Variants in PIK3CD observed in about 807,000 individuals in gnomAD.
PIK3CD encodes phosphatidylinositol-4,5-bisphosphate 3-kinase catalytic subunit delta.
PIK3CD carries 20 observed loss-of-function variants against 122.9 expected under a neutral mutation model. The ratio of observed to expected loss-of-function variants is 0.16; its 90% CI spans 0.11 to 0.24. The LOEUF (loss-of-function observed/expected upper bound fraction) is 0.24. Ranked by LOEUF, PIK3CD falls within the 10% of genes least tolerant of loss-of-function variation. The pLI, the probability that PIK3CD is intolerant of heterozygous loss-of-function variation, is 1.00. For missense variants in PIK3CD, 787 were observed against 1,406.3 expected, an observed-to-expected ratio of 0.56 and a Z score of 7.04; for synonymous variants, 596 against 593.4, an observed-to-expected ratio of 1.00 and a Z score of -0.06.
intron 23 of PIK3CD, among the ~76,000 whole-genome samples, chr1:9,726,417 A>G (rs1050103431): frequency 3.9e-5 from 6 of 152,122 alleles, no homozygotes; most frequent in Non-Finnish European, 8.8e-5. Flanking sequence ...GCTGAGGCAG[A>G]AGAATCACTT....
intron 1 of PIK3CD, chr1:9,654,697 G>A (rs777068161): frequency 4.6e-5 from 16 of 347,750 alleles, no homozygotes; most frequent in South Asian, 6.6e-5. Context: ...CCTGAGGCCA[G>A]CTGCCGGTGT....
At chr1:9,658,293 G>A (rs1039480082) in intron 1 of PIK3CD, among the ~76,000 whole-genome samples, 5 of 151,474 alleles carry the variant, frequency 3.3e-5, no homozygotes, top group African/African-American at 1.2e-4. Flanking sequence ...GACTGAGGTG[G>A]GAGGATTACT....
At position 9,724,278 on chromosome 1, in the gene PIK3CD, G is replaced by A. The variant is rs998257480; in HGVS notation, c.2721G>A (p.Leu907=). 13 of 1,613,850 alleles carry A rather than the reference G, an allele frequency of 8.1e-6. No homozygotes were observed. In the East Asian group the frequency reaches 2.9e-4, roughly 36 times the overall value. The change falls in exon 22 of 24, where the codon CTG becomes CTA. Residue 907 remains leucine (L), a splice_region_variant and synonymous_variant. Coordinates refer to ENST00000377346, the MANE Select transcript of PIK3CD (RefSeq NM_005026.5). The surrounding 1 kb of genome is among the most constrained non-coding windows in gnomAD (Gnocchi z 7.3). ...DNIMIRESGQ[L]FHIDFGHFLG... ...CCCCTCCTCTCCCCTCCCCTCAGCT[G>A]TTCCACATTGATTTTGGCCACTTTC...
At chr1:9,654,860 G>A (rs1389896298) in intron 1 of PIK3CD, among the ~76,000 whole-genome samples, 2 of 151,794 alleles carry the variant, frequency 1.3e-5, no homozygotes, top group African/African-American at 4.8e-5. Context: ...AGGAGTTCAA[G>A]ACCATCTTGG....
At position 9,720,274 on chromosome 1, in the gene PIK3CD, G is replaced by A. The variant is rs1390458923; in HGVS notation, c.1470+32G>A. On this transcript the variant is annotated intron_variant, in intron 11 of 23. Transcript: ENST00000377346. The surrounding 1 kb of genome is among the most constrained non-coding windows in gnomAD (Gnocchi z 9.0). ...GGGGGCCCCGCCGCGTGAGGCTGAGGGGCTGGCGCGGAGCTCTCCTGGCCC... is the reference window on the plus strand; with the variant it reads ...GGGGGCCCCGCCGCGTGAGGCTGAGAGGCTGGCGCGGAGCTCTCCTGGCCC... The A allele has an allele frequency of 1.3e-6, 2 of 1,591,154 alleles. No homozygotes were observed. Among genetic ancestry groups the A allele is most frequent in the South Asian group, 1.1e-5 (1 of 89,194 alleles).
At position 9,727,367 on chromosome 1, in the gene PIK3CD, A is replaced by G; in HGVS notation, c.*321A>G. 1 of 449,166 alleles carries G rather than the reference A, an allele frequency of 2.2e-6. No individual in the cohort carries two copies. The highest frequency in any genetic ancestry group is 4.2e-6 in the Non-Finnish European group (1 of 240,820). The allele number at this position is 449,166 out of a possible 1,614,324, so 27.8% of individuals were successfully genotyped here. On this transcript the variant is annotated 3_prime_UTR_variant, in exon 24 of 24. Coordinates refer to ENST00000377346, the MANE Select transcript of PIK3CD (RefSeq NM_005026.5). ...CAAAGACTGTTCTCCTCCCGAGGGA[A>G]CCTTCTTCCCAGGCCTCCCGCCAGA...
intron 1 of PIK3CD, among the ~76,000 whole-genome samples, chr1:9,690,164 C>T (rs1338594836): frequency 2.6e-5 from 4 of 152,104 alleles, no homozygotes; most frequent in African/African-American, 9.7e-5. Flanking sequence ...GCGCTCTGTC[C>T]CTCCCGAGCT....
Position 9,719,244 on chromosome 1 carries a change from C to T in PIK3CD, c.1242+329C>T, listed in dbSNP as rs1032217016. Among the ~76,000 whole-genome samples the T allele has an allele frequency of 8.5e-5, 13 of 152,332 alleles. No homozygotes were observed. The highest frequency in any genetic ancestry group is 2.9e-4 in the African/African-American group (12 of 41,572). On this transcript the variant is annotated intron_variant, in intron 9 of 23. Transcript: ENST00000377346. This position sits in a 1 kb window ranked among gnomAD's most constrained non-coding sequence, Gnocchi z 5.5. ...AGAAAAGCCTGAGTCAGCGGCTGGC[C>T]GGGAGGCGTAGTGGCTGGGTGCTGA...
At chr1:9,683,176 T>C (rs56338585) in intron 1 of PIK3CD, among the ~76,000 whole-genome samples, 86,116 of 148,850 alleles carry the variant, frequency 0.58, 26,216 homozygotes, top group African/African-American at 0.79. Context: ...TGGTGGCTCA[T>C]GCCTGTAATC....
rs1287146461 is a variant in PIK3CD, at chr1:9,710,654, G to C, written c.141+58G>C. On this transcript the variant is annotated intron_variant, in intron 3 of 23. Transcript: ENST00000377346. The surrounding 1 kb of genome is among the most constrained non-coding windows in gnomAD (Gnocchi z 4.7). ...GCTCAGAGAGAGAGAGAGAGAGAGA[G>C]ACACAGATAGACAGACAGACAGACA... The C allele has an allele frequency of 4.3e-5, 62 of 1,445,286 alleles. No individual in the cohort carries two copies. The Middle Eastern group carries it at 7.6e-4, about 18-fold the overall frequency. 89.5% of individuals were successfully genotyped at this position (1,445,286 alleles called of 1,614,324 possible).
chr1:9,628,537 T>C, the PIK3CD span, among the ~76,000 whole-genome samples: 4 of 152,224 alleles, frequency 2.6e-5, no homozygotes, highest in Non-Finnish European at 5.9e-5. Flanking sequence ...CAGAGCCTTC[T>C]GGGAAAGGCG....
In PIK3CD at chr1:9,711,226, TG is replaced by T. The variant is rs373714336; in HGVS notation, c.141+633del. On this transcript the variant is annotated intron_variant, in intron 3 of 23. Transcript: ENST00000377346. ...CTCGTGCCTCAGCCTCCTGAGTAGC[TG>T]GGACTATAGGCGTGCACCACCACAC... Among the ~76,000 whole-genome samples, 52 of 152,244 alleles carry T rather than the reference TG, an allele frequency of 3.4e-4. No homozygotes were observed. In the East Asian group the frequency reaches 6.8e-3, roughly 20 times the overall value.
At chr1:9,713,323 A>G (rs1647130800) in intron 3 of PIK3CD, among the ~76,000 whole-genome samples, 1 of 152,204 alleles carries the variant, frequency 6.6e-6, no homozygotes, top group African/African-American at 2.4e-5. Context: ...CCTGGGTGAC[A>G]GAGTGAAACC....
chr1:9,648,682 A>T (rs540748379), upstream of PIK3CD, among the ~76,000 whole-genome samples: 5 of 136,284 alleles, frequency 3.7e-5, no homozygotes, highest in African/African-American at 1.5e-4. Flanking sequence ...CTCCACTAGA[A>T]AGGATATACT....
chr1:9,630,707 A>T, the PIK3CD span, among the ~76,000 whole-genome samples: 23 of 147,548 alleles, frequency 1.6e-4, no homozygotes, highest in East Asian at 3.5e-3. Context: ...AAAGAAAGTG[A>T]GTGTGTGTGT....
At position 9,727,195 on chromosome 1, in the gene PIK3CD, A is replaced by ATGACT. The variant is rs750674922; in HGVS notation, c.*153_*157dup. 1.2e-5 allele frequency: 11 copies of ATGACT among 887,266 alleles called. No homozygotes were observed. The highest frequency in any genetic ancestry group is 1.8e-5 in the Non-Finnish European group (10 of 555,580). The allele number at this position is 887,266 out of a possible 1,614,324, so 55.0% of individuals were successfully genotyped here. A position where few individuals can be genotyped will look rare whatever the true frequency, so the allele number is the denominator to read the frequency against. ...TTTTGTTTACACTGGTTATTTATTT[A>ATGACT]TGACTTGAAATAGTTTAAGGAGCTA... is the stretch of plus-strand genomic sequence containing the variant. On this transcript the variant is annotated 3_prime_UTR_variant, in exon 24 of 24. Coordinates refer to ENST00000377346, the MANE Select transcript of PIK3CD (RefSeq NM_005026.5).
chr1:9,722,984 C>T lies in PIK3CD; in HGVS notation c.2427-141C>T. ...GGTGCCGGCATCTCCAAGGAGCCAG[C>T]ATCTCTCACCTGCTTTTTAGCAATG... On this transcript the variant is annotated intron_variant, in intron 19 of 23. Transcript: ENST00000377346. This position sits in a 1 kb window ranked among gnomAD's most constrained non-coding sequence, Gnocchi z 7.6. The T allele has an allele frequency of 1.2e-6, 1 of 839,782 alleles. No homozygotes were observed. The highest frequency in any genetic ancestry group is 1.7e-5 in the Admixed American group (1 of 57,622). The allele number at this position is 839,782 out of a possible 1,614,324, so 52.0% of individuals were successfully genotyped here. A position where few individuals can be genotyped will look rare whatever the true frequency, so the allele number is the denominator to read the frequency against.
chr1:9,721,500 C>G lies in PIK3CD; in HGVS notation c.1868C>G (p.Ser623Cys), dbSNP rs2100967838. 1 of 1,613,854 alleles carries G rather than the reference C, an allele frequency of 6.2e-7. No individual in the cohort carries two copies. Among genetic ancestry groups the G allele is most frequent in the South Asian group, 1.1e-5 (1 of 91,082 alleles). ...CTGGTGCAGGTGCTCAAGTACGAGT[C>G]CTACCTGGACTGCGAGCTGACCAAA... ...LQLVQVLKYE[S>C]YLDCELTKFL... Residue 623 changes from serine to cysteine, a missense_variant, in exon 15 of 24, where the codon TCC (serine) becomes TGC (cysteine). Physicochemically the swap from Ser to Cys is moderately radical, Grantham distance 112 (BLOSUM62 -1). Coordinates refer to ENST00000377346, the MANE Select transcript of PIK3CD (RefSeq NM_005026.5).
intron 1 of PIK3CD, among the ~76,000 whole-genome samples, chr1:9,690,957 C>T (rs775133715): frequency 9.9e-5 from 15 of 152,044 alleles, no homozygotes; most frequent in Non-Finnish European, 2.2e-4. Context: ...GAAGAAGCAC[C>T]ACAGATGCAA....
Sources: gnomAD v4.1 joint callset for allele counts (sites outside exome capture counted in the v4.1 genomes callset) on GRCh38, gnomAD v4.1.1 for gene constraint, Gnocchi (gnomAD v3.1) non-coding constraint, MANE v1.5 for transcripts, NCBI Gene and HGNC (gene_info 2026-07-23, HGNC 2026-07-21) for gene names.